DMXL1: variants seen among roughly 807,000 people sequenced by gnomAD.
DMXL1 encodes Dmx like 1.
Under a neutral mutation model 319.2 loss-of-function variants are expected in DMXL1, and 99 were observed. The ratio of observed to expected loss-of-function variants is 0.31; its 90% CI spans 0.26 to 0.37. The LOEUF (loss-of-function observed/expected upper bound fraction) is 0.37, where lower values mean the gene tolerates loss of function less well. DMXL1 is among the 10% of genes least tolerant of loss of function. The pLI, the probability that DMXL1 is intolerant of heterozygous loss-of-function variation, is 1.00. For missense variants in DMXL1, 3,745 were observed against 3,595.6 expected, an observed-to-expected ratio of 1.04 and a Z score of -1.06; for synonymous variants, 1,385 against 1,235.2, an observed-to-expected ratio of 1.12 and a Z score of -2.54.
intron 26 of DMXL1, among the ~76,000 whole-genome samples, chr5:119,176,836 A>G (rs898499532): frequency 2.0e-5 from 3 of 152,050 alleles, no homozygotes; most frequent in African/African-American, 7.2e-5. Flanking sequence ...TGAATTCTCA[A>G]ATTGTGTGAA....
intron 1 of DMXL1, among the ~76,000 whole-genome samples, chr5:119,089,998 T>C (rs1364165609): frequency 1.9e-5 from 2 of 106,702 alleles, no homozygotes; most frequent in Non-Finnish European, 3.9e-5. Context: ...TTCGGGTTAG[T>C]CTTTTTTTTT....
chr5:119,210,757 G>T (rs550784834), intron 34 of DMXL1, among the ~76,000 whole-genome samples: 4,560 of 89,064 alleles, frequency 0.051, 197 homozygotes, highest in African/African-American at 0.15. Flanking sequence ...TTTTTCTTTC[G>T]TTTTTTTTTT....
At chr5:119,208,183 C>G (rs1782084972) in intron 34 of DMXL1, among the ~76,000 whole-genome samples, 1 of 149,382 alleles carries the variant, frequency 6.7e-6, no homozygotes, top group Non-Finnish European at 1.5e-5. Flanking sequence ...TTGATGATTA[C>G]TTATTACTGT....
chr5:119,215,390 C>T (rs1783500950), intron 34 of DMXL1, among the ~76,000 whole-genome samples: 2 of 151,976 alleles, frequency 1.3e-5, no homozygotes, highest in Non-Finnish European at 2.9e-5. Context: ...TTACTGCAGT[C>T]TCTGCCTCCT....
intron 1 of DMXL1, among the ~76,000 whole-genome samples, chr5:119,084,919 T>C (rs1334993478): frequency 6.6e-6 from 1 of 151,462 alleles, no homozygotes; most frequent in Non-Finnish European, 1.5e-5. Context: ...ATTTTAACAA[T>C]ATTAATTCTT....
intron 1 of DMXL1, among the ~76,000 whole-genome samples, chr5:119,089,296 T>A (rs61548030): frequency 0.014 from 568 of 40,430 alleles, 2 homozygotes; most frequent in East Asian, 0.081. Context: ...ATATATATTT[T>A]TTTTTTTTTT....
intron 19 of DMXL1, among the ~76,000 whole-genome samples, chr5:119,154,337 T>G (rs1169606305): frequency 6.6e-6 from 1 of 152,206 alleles, no homozygotes; most frequent in Non-Finnish European, 1.5e-5. Context: ...TACCAAATTG[T>G]AAATGCAAAG....
chr5:119,220,975 A>G lies in DMXL1; in HGVS notation c.8171A>G (p.Asp2724Gly), dbSNP rs773311881. Residue 2724 changes from aspartate (D) to glycine (G), a missense_variant, in exon 37 of 44, where the codon GAT becomes GGT. Asp to Gly is a moderately conservative substitution (Grantham distance 94). Around this residue, in one of 4 missense-constraint regions of DMXL1, gnomAD observed 1,382 missense variants for 1,269.5 expected, o/e 1.09. Transcript: ENST00000539542. ...EDFLVIHARD[D>G]LTAVQGTTPY... is the part of the protein sequence containing the mutation. ...TTCTTGGTTATACATGCTCGTGATG[A>G]TTTAACAGCTGTTCAAGGTACAACT... The G allele has an allele frequency of 1.3e-5, 21 of 1,613,672 alleles. No individual in the cohort carries two copies. The highest frequency in any genetic ancestry group is 6.8e-6 in the Non-Finnish European group (8 of 1,179,694).
chr5:119,240,391 C>T (rs1788554383), intron 41 of DMXL1, 28 bp from the exon 42 acceptor site: 19 of 1,534,594 alleles, frequency 1.2e-5, no homozygotes, highest in Non-Finnish European at 1.7e-5. Context: ...TTGTGTCACT[C>T]AGAAGTAATC....
intron 19 of DMXL1, among the ~76,000 whole-genome samples, chr5:119,152,455 G>C (rs1216764804): frequency 1.3e-5 from 2 of 152,010 alleles, no homozygotes; most frequent in African/African-American, 4.8e-5. Context: ...ACAGAGTACA[G>C]AATATTGAAA....
chr5:119,164,761 C>A, intron 20 of DMXL1, 85 bp downstream of exon 20: 1 of 1,233,456 alleles, frequency 8.1e-7, no homozygotes, highest in Non-Finnish European at 1.1e-6. Context: ...TCTGCCATTA[C>A]TCCCTCTTGT....
chr5:119,120,994 A>G lies in DMXL1; in HGVS notation c.957A>G (p.Arg319=), dbSNP rs1245723182. 5 of 1,605,564 alleles carry G rather than the reference A, an allele frequency of 3.1e-6. 1 individual carries two copies. In the South Asian group the frequency reaches 5.6e-5, roughly 18 times the overall value. ...ALEVNLRHFR[R]GRRRSLALVA... is the part of the protein sequence containing the mutation. The stretch of plus-strand genomic sequence containing the variant: ...AGGTAAATCTGAGACATTTTCGTAG[A>G]GGTCGGAGGAGATCACTTGCTCTTG... Residue 319 remains arginine, a synonymous_variant, in exon 9 of 44, where the codon AGA becomes AGG. Transcript: ENST00000539542.
In DMXL1 at chr5:119,142,608, C is replaced by T. The variant is rs538794667; in HGVS notation, c.2377-1233C>T. 2.2e-3 allele frequency among the ~76,000 whole-genome samples: 331 copies of T among 151,756 alleles called. 1 individual carries two copies. The highest frequency in any genetic ancestry group is 3.5e-3 in the Admixed American group (53 of 15,226). On this transcript the variant is annotated intron_variant, in intron 13 of 43. Coordinates refer to ENST00000539542, the MANE Select transcript of DMXL1 (RefSeq NM_001290321.3). ...TGATGGGAGTGTAAATTAATTCAAC[C>T]GTTGTGGAAAGCAGTACTGTGATTC... is the stretch of plus-strand genomic sequence containing the variant.
Position 119,193,968 on chromosome 5 carries a change from T to C in DMXL1, c.7455T>C (p.Tyr2485=), listed in dbSNP as rs746369548. Residue 2485 remains tyrosine (Y), a splice_region_variant and synonymous_variant, in exon 30 of 44, where the codon TAT becomes TAC. Coordinates refer to ENST00000539542, the MANE Select transcript of DMXL1 (RefSeq NM_001290321.3). ...AGGAACATTCTAATTCAAATTCATATAGGTATGGTATATTTTATTTTAAAT... is the reference window on the plus strand; with the variant it reads ...AGGAACATTCTAATTCAAATTCATACAGGTATGGTATATTTTATTTTAAAT... ...HLQEHSNSNS[Y]SWSLMRLAMV... is the part of the protein sequence containing the mutation. 1.4e-5 allele frequency: 22 copies of C among 1,577,592 alleles called. No individual in the cohort carries two copies. The highest frequency in any genetic ancestry group is 1.9e-5 in the Non-Finnish European group (22 of 1,157,352).
chr5:119,202,060 C>CA (rs749592178), intron 32 of DMXL1, among the ~76,000 whole-genome samples: 11 of 151,908 alleles, frequency 7.2e-5, no homozygotes, highest in Non-Finnish European at 8.8e-5. Flanking sequence ...TTGTGTGTCT[C>CA]AATTTCTTTC....
In DMXL1 at chr5:119,157,886, G is replaced by A. The variant is rs367891519; in HGVS notation, c.4702+5850G>A. Among the ~76,000 whole-genome samples, 26 of 152,134 alleles carry A rather than the reference G, an allele frequency of 1.7e-4. No individual in the cohort carries two copies. In the East Asian group the frequency reaches 2.3e-3, roughly 14 times the overall value. The stretch of plus-strand genomic sequence containing the variant: ...ACATCAGTATTTTGATAGAGATTGC[G>A]TTGAATCTGTAGATCATTTTGGATA... On this transcript the variant is annotated intron_variant, in intron 19 of 43. Coordinates refer to ENST00000539542, the MANE Select transcript of DMXL1 (RefSeq NM_001290321.3).
chr5:119,164,002 C>T (rs1359521392), intron 19 of DMXL1, among the ~76,000 whole-genome samples: 1 of 152,126 alleles, frequency 6.6e-6, no homozygotes, highest in Non-Finnish European at 1.5e-5. Context: ...TAAGCCACCG[C>T]ACCCTGCTAG....
intron 26 of DMXL1, among the ~76,000 whole-genome samples, chr5:119,176,225 A>T (rs1561801719): frequency 6.6e-6 from 1 of 152,050 alleles, no homozygotes; most frequent in African/African-American, 2.4e-5. Flanking sequence ...ATTAAAAAAA[A>T]TTATTTTGAG....
chr5:119,159,133 C>CT (rs374418343), intron 19 of DMXL1, among the ~76,000 whole-genome samples: 8 of 147,496 alleles, frequency 5.4e-5, no homozygotes, highest in South Asian at 2.2e-4. Flanking sequence ...TGATGGGAGA[C>CT]TTTTTTTTTT....
Sources: gnomAD v4.1 joint callset for allele counts (sites outside exome capture counted in the v4.1 genomes callset) on GRCh38, gnomAD v4.1.1 for gene constraint, gnomAD v4.1.1 regional missense constraint, MANE v1.5 for transcripts, NCBI Gene and HGNC (gene_info 2026-07-23, HGNC 2026-07-21) for gene names.